Variants in PRR16 observed in about 807,000 individuals in gnomAD.
PRR16 encodes proline rich 16.
A neutral mutation model predicts 18.2 loss-of-function variants in PRR16; 6 were observed. The ratio of observed to expected loss-of-function variants is 0.33; its 90% CI spans 0.18 to 0.65. PRR16 has a LOEUF of 0.65. Among genes scored for constraint, PRR16 ranks in the 30% least tolerant of loss-of-function variants. The pLI is 0.74. For synonymous variants in PRR16, 151 were observed against 147.8 expected (o/e 1.02, Z -0.16); for missense variants, 412 against 376.6 (o/e 1.09, Z -0.78).
At chr5:120,584,199 A>T (rs1753364725) in intron 1 of PRR16, among the ~76,000 whole-genome samples, 2 of 152,222 alleles carry the variant, frequency 1.3e-5, no homozygotes, top group African/African-American at 4.8e-5. Context: ...CTTACATGGT[A>T]AGTAGTATCT....
the PRR16 span, among the ~76,000 whole-genome samples, chr5:120,722,055 G>C: frequency 1.3e-5 from 2 of 151,886 alleles, no homozygotes; most frequent in African/African-American, 4.8e-5. Flanking sequence ...CCTGGTTTGT[G>C]GTGTTCCCCT....
chr5:120,751,726 C>G, the PRR16 span, among the ~76,000 whole-genome samples: 1 of 149,490 alleles, frequency 6.7e-6, no homozygotes, highest in South Asian at 2.1e-4. Flanking sequence ...TTTGAAAGAA[C>G]AGGTGGATGA....
the PRR16 span, among the ~76,000 whole-genome samples, chr5:120,702,359 G>T: frequency 2.0e-5 from 3 of 151,862 alleles, no homozygotes; most frequent in Non-Finnish European, 2.9e-5. Flanking sequence ...CGAGGTTGGG[G>T]TACTTGCCCC....
At chr5:120,660,575 C>A (rs898381016) in intron 1 of PRR16, among the ~76,000 whole-genome samples, 3 of 152,034 alleles carry the variant, frequency 2.0e-5, no homozygotes, top group Non-Finnish European at 2.9e-5. Flanking sequence ...TTAAGACATG[C>A]TCTTGTTTGA....
intron 1 of PRR16, among the ~76,000 whole-genome samples, chr5:120,526,914 A>G (rs1455006999): frequency 6.6e-6 from 1 of 152,102 alleles, no homozygotes; most frequent in Non-Finnish European, 1.5e-5. Context: ...TAAGTATACA[A>G]TATATTGTTG....
At chr5:120,787,624 A>C in the PRR16 span, among the ~76,000 whole-genome samples, 1 of 152,134 alleles carries the variant, frequency 6.6e-6, no homozygotes. Flanking sequence ...TAATTGAATA[A>C]AACGATCTCT....
downstream of PRR16, among the ~76,000 whole-genome samples, chr5:120,687,776 A>C (rs1212697479): frequency 9.2e-5 from 14 of 152,180 alleles, no homozygotes; most frequent in Non-Finnish European, 2.1e-4. Flanking sequence ...CTGTCTTCTA[A>C]AAGAAAGAGA....
chr5:120,549,803 A>G (rs745955598), intron 1 of PRR16, among the ~76,000 whole-genome samples: 3 of 152,040 alleles, frequency 2.0e-5, no homozygotes, highest in Non-Finnish European at 2.9e-5. Flanking sequence ...TGGAACACGT[A>G]CTATCCACAG....
intron 1 of PRR16, among the ~76,000 whole-genome samples, chr5:120,640,781 T>C (rs75352832): frequency 6.6e-6 from 1 of 152,104 alleles, no homozygotes; most frequent in Non-Finnish European, 1.5e-5. Flanking sequence ...AAAACACAAT[T>C]CTTCTCCCTT....
chr5:120,516,734 A>G (rs890008397), intron 1 of PRR16, among the ~76,000 whole-genome samples: 2 of 152,178 alleles, frequency 1.3e-5, no homozygotes, highest in Admixed American at 1.3e-4. Flanking sequence ...GTATGTTGCC[A>G]TGGATTGGTG....
the PRR16 span, chr5:120,790,490 T>C: frequency 2.8e-5 from 4 of 142,396 alleles, no homozygotes; most frequent in African/African-American, 7.4e-5. Flanking sequence ...CAGAGAAACA[T>C]TGCAGCAATG....
chr5:120,680,311 C>T (rs1756931311), intron 1 of PRR16, among the ~76,000 whole-genome samples: 1 of 152,038 alleles, frequency 6.6e-6, no homozygotes, highest in Non-Finnish European at 1.5e-5. Flanking sequence ...ACAAGATATA[C>T]CTACTGAATA....
intron 1 of PRR16, among the ~76,000 whole-genome samples, chr5:120,512,511 G>C (rs1750860788): frequency 6.6e-6 from 1 of 152,096 alleles, no homozygotes. Flanking sequence ...TGCATCTTAT[G>C]GGTCGGTGGT....
intron 1 of PRR16, among the ~76,000 whole-genome samples, chr5:120,601,844 T>C (rs931859915): frequency 2.6e-5 from 4 of 152,102 alleles, no homozygotes; most frequent in Admixed American, 1.3e-4. Flanking sequence ...TGCTTGTTGT[T>C]GTCACCTTTG....
chr5:120,784,990 G>T, the PRR16 span, among the ~76,000 whole-genome samples: 3 of 152,168 alleles, frequency 2.0e-5, no homozygotes, highest in South Asian at 2.1e-4. Flanking sequence ...ACCACCCGCT[G>T]CTATTAGATG....
intron 1 of PRR16, among the ~76,000 whole-genome samples, chr5:120,499,303 G>A (rs372873925): frequency 2.2e-4 from 34 of 151,822 alleles, no homozygotes; most frequent in African/African-American, 8.2e-4. Flanking sequence ...TAGAGACGGG[G>A]TTTCTCCACA....
the PRR16 span, among the ~76,000 whole-genome samples, chr5:120,737,613 C>A: frequency 6.6e-6 from 1 of 151,200 alleles, no homozygotes; most frequent in Admixed American, 6.6e-5. Flanking sequence ...CTTGTTGGAA[C>A]TGCTCCCTCT....
At chr5:120,726,284 T>G in the PRR16 span, among the ~76,000 whole-genome samples, 1 of 152,082 alleles carries the variant, frequency 6.6e-6, no homozygotes, top group Non-Finnish European at 1.5e-5. Flanking sequence ...TATCTGTGGA[T>G]GTCAAGAAAT....
At chr5:120,763,418 G>A in the PRR16 span, among the ~76,000 whole-genome samples, 1 of 152,080 alleles carries the variant, frequency 6.6e-6, no homozygotes, top group African/African-American at 2.4e-5. Context: ...ATAGGTGTGA[G>A]CCACCACGCC....
Sources: allele counts gnomAD v4.1 joint callset (sites outside exome capture counted in the v4.1 genomes callset), GRCh38; gene constraint gnomAD v4.1.1; transcripts MANE v1.5; gene names NCBI Gene and HGNC (gene_info 2026-07-23, HGNC 2026-07-21).